The following MYL3 variants were observed in gnomAD, a reference collection of about 807,000 sequenced individuals.
MYL3 encodes the protein CMLC1.
In MYL3, 11 loss-of-function variants were observed where a neutral mutation model predicts 21.3. That is an observed-to-expected ratio of 0.52 (90% CI 0.32 to 0.85). The LOEUF (loss-of-function observed/expected upper bound fraction) is 0.85, where lower values mean the gene tolerates loss of function less well. Among genes scored for constraint, MYL3 ranks in the 40% least tolerant of loss-of-function variants. The pLI, the probability that MYL3 is intolerant of heterozygous loss-of-function variation, is 0.03. For missense variants in MYL3, 206 were observed against 253.3 expected (o/e 0.81, Z 1.27); for synonymous variants, 88 against 91.6 (o/e 0.96, Z 0.22).
chr3:46,872,997 C>A (rs2029997197), intron 1 of MYL3, among the ~76,000 whole-genome samples: 1 of 152,200 alleles, frequency 6.6e-6, no homozygotes, highest in Admixed American at 6.5e-5. Flanking sequence ...GTGCCCTCCC[C>A]CAAGAGATGG....
At chr3:46,877,387 G>A (rs2106932127) in intron 1 of MYL3, among the ~76,000 whole-genome samples, 1 of 152,300 alleles carries the variant, frequency 6.6e-6, no homozygotes, top group African/African-American at 2.4e-5. Flanking sequence ...GTGGCAGCCT[G>A]ATATTCCTGA....
Position 46,860,732 on chromosome 3 carries a change from C to T in MYL3, c.251G>A (p.Gly84Asp), listed in dbSNP as rs1701983148. ...GQCGDVLRAL[G>D]QNPTQAEVLR... Reference sequence around the variant, plus strand: ...CACTTCTGCCTGTGTGGGGTTCTGGCCCAGCGCCCGCAGGACATCCCCACA... The same window carrying T: ...CACTTCTGCCTGTGTGGGGTTCTGGTCCAGCGCCCGCAGGACATCCCCACA... Residue 84 changes from glycine to aspartate, a missense_variant, in exon 3 of 7, where the codon GGC becomes GAC. Coordinates refer to ENST00000292327, the MANE Select transcript of MYL3 (RefSeq NM_000258.3). This position sits in a 1 kb window ranked among gnomAD's most constrained non-coding sequence, Gnocchi z 4.6. The T allele has an allele frequency of 6.2e-7, 1 of 1,614,104 alleles. No individual in the cohort carries two copies. Among genetic ancestry groups the T allele is most frequent in the African/African-American group, 1.3e-5 (1 of 75,014 alleles).
At chr3:46,866,085 G>A (rs545065345), upstream of MYL3, among the ~76,000 whole-genome samples, 3 of 150,756 alleles carry the variant, frequency 2.0e-5, no homozygotes, top group Admixed American at 6.6e-5. Context: ...GTGAACAGGA[G>A]GCAGGAAGGT....
upstream of MYL3, among the ~76,000 whole-genome samples, chr3:46,866,837 C>T (rs1014681934): frequency 6.6e-6 from 1 of 152,186 alleles, no homozygotes; most frequent in Non-Finnish European, 1.5e-5. Flanking sequence ...TCCCCATGCC[C>T]ACCCCAATTC....
intron 1 of MYL3, among the ~76,000 whole-genome samples, chr3:46,871,472 T>C (rs562079543): frequency 6.6e-6 from 1 of 152,238 alleles, no homozygotes; most frequent in South Asian, 2.1e-4. Flanking sequence ...AGCTTGGCTC[T>C]CGTGGGAAAG....
upstream of MYL3, among the ~76,000 whole-genome samples, chr3:46,864,038 G>T (rs1702023162): frequency 6.6e-6 from 1 of 151,904 alleles, no homozygotes; most frequent in South Asian, 2.1e-4. This position sits in a 1 kb window ranked among gnomAD's most constrained non-coding sequence, Gnocchi z 4.7. Flanking sequence ...GTACACCTGT[G>T]TGTATTGTCT....
chr3:46,865,004 C>A (rs1174001495), upstream of MYL3, among the ~76,000 whole-genome samples: 1 of 152,184 alleles, frequency 6.6e-6, no homozygotes, highest in Non-Finnish European at 1.5e-5. The surrounding 1 kb of genome is among the most constrained non-coding windows in gnomAD (Gnocchi z 4.3). Flanking sequence ...GTGCCTGGAG[C>A]CTTTGATAGA....
upstream of MYL3, among the ~76,000 whole-genome samples, chr3:46,865,275 C>T (rs904323889): frequency 6.7e-5 from 10 of 149,560 alleles, no homozygotes; most frequent in South Asian, 2.1e-4. The surrounding 1 kb of genome is among the most constrained non-coding windows in gnomAD (Gnocchi z 4.3). Context: ...CCGGGACTGG[C>T]GGGGGGGCAA....
rs997924702 is a variant in MYL3, at chr3:46,874,666, A to G, written c.-218+7408T>C. Among the ~76,000 whole-genome samples the G allele has an allele frequency of 1.3e-5, 2 of 152,210 alleles. No individual in the cohort carries two copies. The highest frequency in any genetic ancestry group is 6.5e-5 in the Admixed American group (1 of 15,288). Reference sequence around the variant, plus strand: ...TTATAAATAGCAGCAGCGGGAGCCCATGCAGGGAGAGGCGGAAACACGTGT... The same window carrying G: ...TTATAAATAGCAGCAGCGGGAGCCCGTGCAGGGAGAGGCGGAAACACGTGT... On this transcript the variant is annotated intron_variant, in intron 1 of 3. Coordinates refer to the MYL3 transcript ENST00000431168. This position sits in a 1 kb window ranked among gnomAD's most constrained non-coding sequence, Gnocchi z 4.1.
At chr3:46,873,260 G>A (rs2030007485) in intron 1 of MYL3, among the ~76,000 whole-genome samples, 1 of 152,222 alleles carries the variant, frequency 6.6e-6, no homozygotes, top group African/African-American at 2.4e-5. Context: ...AGAAGTGCAG[G>A]GGCAGAGGCC....
intron 1 of MYL3, 73 bp downstream of exon 1, chr3:46,863,189 C>T: frequency 1.9e-6 from 3 of 1,606,716 alleles, no homozygotes; most frequent in East Asian, 4.5e-5. Flanking sequence ...CCTGACCTGC[C>T]TCTTGCTAGG....
At position 46,863,217 on chromosome 3, in the gene MYL3, T is replaced by C. The variant is rs754275343; in HGVS notation, c.129+45A>G. 14 of 1,612,572 alleles carry C rather than the reference T, an allele frequency of 8.7e-6. No individual in the cohort carries two copies. The Admixed American group carries it at 2.3e-4, about 27-fold the overall frequency. On this transcript the variant is annotated intron_variant, in intron 1 of 6. Transcript: ENST00000292327. ...TTGCTAGGTCCACTCTGGGATCCAC[T>C]CACTTGCCCTGCTCCTATTGCCACC... is the stretch of plus-strand genomic sequence containing the variant.
At position 46,874,393 on chromosome 3, in the gene MYL3, T is replaced by C. The variant is rs2030074106; in HGVS notation, c.-218+7681A>G. Among the ~76,000 whole-genome samples the C allele has an allele frequency of 6.6e-6, 1 of 152,056 alleles. No individual in the cohort carries two copies. The highest frequency in any genetic ancestry group is 2.4e-5 in the African/African-American group (1 of 41,408). ...AAGGCACGACAAAGGACCACCCACA[T>C]AGAGGGTTCCTCCAGGCCTAACAGG... On this transcript the variant is annotated intron_variant, in intron 1 of 3. Coordinates refer to the MYL3 transcript ENST00000431168. The surrounding 1 kb of genome is among the most constrained non-coding windows in gnomAD (Gnocchi z 4.1).
intron 1 of MYL3, among the ~76,000 whole-genome samples, chr3:46,872,442 A>ACCCCCCCCCCCAAGC (rs200592186): frequency 1.5e-5 from 2 of 137,412 alleles, no homozygotes; most frequent in Non-Finnish European, 3.2e-5. Flanking sequence ...GGGCCCCAAG[A>ACCCCCCCCCCCAAGC]CCCCCCCCCT....
chr3:46,860,535 T>C lies in MYL3; in HGVS notation c.307+141A>G. On this transcript the variant is annotated intron_variant, in intron 3 of 6. Transcript: ENST00000292327. The surrounding 1 kb of genome is among the most constrained non-coding windows in gnomAD (Gnocchi z 4.6). ...GCATGTCACCTGGTCGGCATGGCCCTGTGACTGGCCTCGGTGCCCTCATCG... is the reference window on the plus strand; with the variant it reads ...GCATGTCACCTGGTCGGCATGGCCCCGTGACTGGCCTCGGTGCCCTCATCG... The C allele has an allele frequency of 8.2e-7, 1 of 1,220,332 alleles. No homozygotes were observed. Among genetic ancestry groups the C allele is most frequent in the Non-Finnish European group, 1.1e-6 (1 of 872,384 alleles). The allele number at this position is 1,220,332 out of a possible 1,614,324, so 75.6% of individuals were successfully genotyped here. A position where few individuals can be genotyped will look rare whatever the true frequency, so the allele number is the denominator to read the frequency against.
chr3:46,858,209 T>C, intron 6 of MYL3, 22 bp downstream of exon 6: 1 of 1,613,846 alleles, frequency 6.2e-7, no homozygotes, highest in Non-Finnish European at 8.5e-7. Flanking sequence ...AGCAGCGGGT[T>C]CAGGAGGGAG....
intron 1 of MYL3, among the ~76,000 whole-genome samples, chr3:46,870,354 G>A (rs929005372): frequency 2.6e-5 from 4 of 152,072 alleles, no homozygotes; most frequent in African/African-American, 9.7e-5. Flanking sequence ...CCGAGGACAG[G>A]GACAACAGTG....
At chr3:46,878,752 C>T (rs1559525141) in intron 1 of MYL3, among the ~76,000 whole-genome samples, 1 of 152,094 alleles carries the variant, frequency 6.6e-6, no homozygotes, top group Non-Finnish European at 1.5e-5. Context: ...GGTGGGATGG[C>T]TGCAGCAGAG....
At chr3:46,870,183 C>T (rs1055555794) in intron 1 of MYL3, among the ~76,000 whole-genome samples, 4 of 152,056 alleles carry the variant, frequency 2.6e-5, no homozygotes, top group Admixed American at 1.3e-4. Context: ...CACCCCTCAC[C>T]CCGGCTCCCA....
Sources: allele counts gnomAD v4.1 joint callset (sites outside exome capture counted in the v4.1 genomes callset), GRCh38; gene constraint gnomAD v4.1.1; non-coding constraint Gnocchi (gnomAD v3.1); transcripts MANE v1.5; gene names NCBI Gene and HGNC (gene_info 2026-07-23, HGNC 2026-07-21).